Variants in SHC3 observed in about 807,000 individuals in gnomAD.
SHC3 encodes the protein SHC-transforming protein 3.
Under a neutral mutation model 60.4 loss-of-function variants are expected in SHC3, and 15 were observed. That is an observed-to-expected ratio of 0.25 (90% CI 0.17 to 0.38). The LOEUF is 0.38. Among genes scored for constraint, SHC3 ranks in the 10% least tolerant of loss-of-function variants. SHC3 has a pLI of 1.00. For synonymous variants in SHC3, 294 were observed against 325.9 expected (o/e 0.90, Z 1.05); for missense variants, 677 against 786.1 (o/e 0.86, Z 1.66).
intron 5 of SHC3, among the ~76,000 whole-genome samples, chr9:89,068,502 T>A (rs142526718): frequency 1.3e-5 from 2 of 152,358 alleles, no homozygotes; most frequent in South Asian, 4.1e-4. Context: ...CAATTTGGAA[T>A]GTAATCTCAT....
At chr9:89,173,968 A>G (rs1319408302) in intron 1 of SHC3, among the ~76,000 whole-genome samples, 5 of 152,192 alleles carry the variant, frequency 3.3e-5, no homozygotes, top group African/African-American at 1.2e-4. Flanking sequence ...GTTCAACTCC[A>G]CATCAAAATC....
intron 1 of SHC3, among the ~76,000 whole-genome samples, chr9:89,172,606 C>A: frequency 6.6e-6 from 1 of 151,742 alleles, no homozygotes; most frequent in East Asian, 1.9e-4. Flanking sequence ...CACACACACA[C>A]GATGGTCAAC....
intron 1 of SHC3, among the ~76,000 whole-genome samples, chr9:89,172,847 G>C (rs187187091): frequency 2.0e-5 from 3 of 152,160 alleles, no homozygotes; most frequent in Admixed American, 6.5e-5. Flanking sequence ...CATTGAACAT[G>C]CTGGCTCTTC....
intron 1 of SHC3, among the ~76,000 whole-genome samples, chr9:89,119,881 C>A (rs1477261763): frequency 6.6e-6 from 1 of 152,152 alleles, no homozygotes; most frequent in Admixed American, 6.5e-5. Flanking sequence ...GCGAGTCATA[C>A]AAGGAATTAG....
chr9:89,157,144 CA>C (rs1274833885), intron 1 of SHC3, among the ~76,000 whole-genome samples: 1 of 152,186 alleles, frequency 6.6e-6, no homozygotes, highest in Non-Finnish European at 1.5e-5. Context: ...TCTCCCACTA[CA>C]AACCTCAATA....
chr9:89,052,064 G>A lies in SHC3; in HGVS notation c.935C>T (p.Pro312Leu). The A allele has an allele frequency of 1.2e-6, 2 of 1,614,082 alleles. No homozygotes were observed. Among genetic ancestry groups the A allele is most frequent in the African/African-American group, 2.7e-5 (2 of 75,038 alleles). The change falls in exon 7 of 12, where the codon CCT (proline) becomes CTT (leucine). Residue 312 changes from proline (P) to leucine (L), a missense_variant. Transcript: ENST00000375835. ...ATCATGGAGAGCGGGAATCTTGGTA[G>A]GACACTGTAAATATTGCTTAAACCG... ...ELRFKQYLQC[P>L]TKIPALHDRM...
chr9:89,107,870 G>A (rs949252086), intron 2 of SHC3, among the ~76,000 whole-genome samples: 4 of 152,070 alleles, frequency 2.6e-5, no homozygotes, highest in Non-Finnish European at 5.9e-5. Flanking sequence ...AACATTAAAG[G>A]TATTTATTTT....
intron 11 of SHC3, among the ~76,000 whole-genome samples, chr9:89,029,309 GA>G (rs912719228): frequency 4.6e-5 from 7 of 151,652 alleles, no homozygotes; most frequent in African/African-American, 1.7e-4. Context: ...ACAATGAATA[GA>G]AAAAGACACA....
intron 2 of SHC3, among the ~76,000 whole-genome samples, chr9:89,084,409 A>C (rs1587717667): frequency 1.3e-5 from 2 of 152,238 alleles, no homozygotes; most frequent in South Asian, 4.1e-4. Flanking sequence ...AGGTTCCTAA[A>C]CCATGCTGAA....
In SHC3 at chr9:89,075,129, G is replaced by C; in HGVS notation, c.709C>G (p.Arg237Gly). The C allele has an allele frequency of 6.2e-7, 1 of 1,613,942 alleles. No homozygotes were observed. The highest frequency in any genetic ancestry group is 1.3e-5 in the African/African-American group (1 of 75,022). The stretch of plus-strand genomic sequence containing the variant: ...TGTACCTGTTTGGAGTCCGGAGTTC[G>C]CAGGTTCAGACTGGCCGTGGAGATG... ...LTISTASLNLRTPDSKQIIAN... is the reference protein window; with the variant it reads ...LTISTASLNLGTPDSKQIIAN... The change falls in exon 4 of 12, where the codon CGA becomes GGA. Residue 237 changes from arginine to glycine, a missense_variant. By Grantham distance (125) the Arg-to-Gly change is moderately radical. Transcript: ENST00000375835.
At chr9:89,063,472 C>T (rs983223702) in intron 6 of SHC3, among the ~76,000 whole-genome samples, 8 of 152,166 alleles carry the variant, frequency 5.3e-5, no homozygotes, top group Admixed American at 3.3e-4. Context: ...AAGCTTAGCC[C>T]GGCCTTTCAG....
chr9:89,019,468 C>T (rs555972863), intron 11 of SHC3, among the ~76,000 whole-genome samples: 33 of 152,080 alleles, frequency 2.2e-4, no homozygotes, highest in Non-Finnish European at 4.3e-4. Flanking sequence ...AAAAATGAAA[C>T]TGCCTTTGTT....
intron 1 of SHC3, among the ~76,000 whole-genome samples, chr9:89,116,113 A>G (rs1826015584): frequency 6.6e-6 from 1 of 152,198 alleles, no homozygotes; most frequent in Non-Finnish European, 1.5e-5. Flanking sequence ...TGAAGGTTGC[A>G]GTATGGGACT....
At chr9:89,141,369 C>T (rs1179436611) in intron 1 of SHC3, among the ~76,000 whole-genome samples, 1 of 152,202 alleles carries the variant, frequency 6.6e-6, no homozygotes, top group African/African-American at 2.4e-5. Context: ...ACACACAAAT[C>T]ATGCCAGATT....
At chr9:89,162,768 C>T (rs1211752928) in intron 1 of SHC3, among the ~76,000 whole-genome samples, 5 of 149,720 alleles carry the variant, frequency 3.3e-5, no homozygotes, top group East Asian at 1.9e-4. Flanking sequence ...TAAAGAGCTT[C>T]TGCACAGCAA....
chr9:89,062,050 A>G (rs1339266456), intron 6 of SHC3, among the ~76,000 whole-genome samples: 4 of 152,190 alleles, frequency 2.6e-5, no homozygotes, highest in Admixed American at 2.6e-4. Context: ...GGATACTATT[A>G]CAATTATAAA....
rs569832414 is a variant in SHC3 at position 89,066,923 on chromosome 9, G to A, written c.784-1343C>T. ...TGTAGGTTCAGGTGGGTGGTGCTGG[G>A]CACTTTTCCACACCCCATCCCGCTG... On this transcript the variant is annotated intron_variant, in intron 5 of 11. Transcript: ENST00000375835. Among the ~76,000 whole-genome samples, 5 of 152,214 alleles carry A rather than the reference G, an allele frequency of 3.3e-5. No homozygotes were observed. The South Asian group carries it at 1.0e-3, about 32-fold the overall frequency.
intron 5 of SHC3, among the ~76,000 whole-genome samples, chr9:89,070,341 C>T (rs1377976894): frequency 6.6e-6 from 1 of 152,228 alleles, no homozygotes; most frequent in Non-Finnish European, 1.5e-5. Flanking sequence ...TTCCCTCTCC[C>T]TTCTGGAAAG....
At chr9:89,085,753 C>T (rs1035168020) in intron 2 of SHC3, among the ~76,000 whole-genome samples, 1 of 152,230 alleles carries the variant, frequency 6.6e-6, no homozygotes, top group African/African-American at 2.4e-5. Flanking sequence ...CCCAAAGACA[C>T]ACATTGGCTC....
Sources: allele counts gnomAD v4.1 joint callset (sites outside exome capture counted in the v4.1 genomes callset), GRCh38; gene constraint gnomAD v4.1.1; transcripts MANE v1.5; gene names NCBI Gene and HGNC (gene_info 2026-07-23, HGNC 2026-07-21).